The following APP variants were observed in gnomAD, a reference collection of about 807,000 sequenced individuals.
APP encodes amyloid beta precursor protein.
Under a neutral mutation model 101.4 loss-of-function variants are expected in APP, and 31 were observed. The observed-to-expected ratio is 0.31, with a 90% confidence interval of 0.23 to 0.41. The LOEUF is 0.41. Among genes scored for constraint, APP ranks in the 10% least tolerant of loss-of-function variants. The pLI, the probability that APP is intolerant of heterozygous loss-of-function variation, is 1.00. For missense variants in APP, 839 were observed against 1,003.7 expected (o/e 0.84, Z 2.22); for synonymous variants, 366 against 364.4 (o/e 1.00, Z -0.05).
chr21:26,060,877 G>C (rs1174356130), intron 3 of APP, among the ~76,000 whole-genome samples: 1 of 152,166 alleles, frequency 6.6e-6, no homozygotes, highest in Non-Finnish European at 1.5e-5. Flanking sequence ...AGAGATCAGT[G>C]GGCAAGCGAG....
chr21:26,093,870 C>A (rs371289473), intron 2 of APP, among the ~76,000 whole-genome samples: 1 of 152,108 alleles, frequency 6.6e-6, no homozygotes, highest in Non-Finnish European at 1.5e-5. Flanking sequence ...AATCCCAGCA[C>A]TTTGGGAGGC....
chr21:25,891,881 TTAAGAA>T lies in APP; in HGVS notation c.2065-19_2065-14del, dbSNP rs747973071. 3 of 1,611,512 alleles carry T rather than the reference TTAAGAA, an allele frequency of 1.9e-6. No homozygotes were observed. The highest frequency in any genetic ancestry group is 1.7e-5 in the Admixed American group (1 of 59,938). On this transcript the variant is annotated splice_polypyrimidine_tract_variant and intron_variant, in intron 16 of 17. Transcript: ENST00000346798. ...CTGCAAAGAACACCTTGAAAACAAA[TTAAGAA>T]AAAGAATTTTAATTTCTAAATGCAA...
intron 11 of APP, among the ~76,000 whole-genome samples, chr21:25,956,025 G>C (rs1351882819): frequency 6.6e-6 from 1 of 152,112 alleles, no homozygotes; most frequent in Admixed American, 6.5e-5. Context: ...TTTTTAAATA[G>C]GAGTACTCTG....
intron 13 of APP, among the ~76,000 whole-genome samples, chr21:25,943,356 T>A (rs1360036065): frequency 6.6e-6 from 1 of 151,980 alleles, no homozygotes; most frequent in Non-Finnish European, 1.5e-5. Flanking sequence ...GGTTTCTCCA[T>A]GTTGAGGCTG....
chr21:26,129,366 G>C (rs2062746776), intron 1 of APP, among the ~76,000 whole-genome samples: 1 of 152,074 alleles, frequency 6.6e-6, no homozygotes, highest in Middle Eastern at 3.4e-3. Context: ...AGCTACTCAG[G>C]AGGCTGAAGC....
chr21:26,041,827 C>G (rs1445308095), intron 5 of APP, among the ~76,000 whole-genome samples: 1 of 61,026 alleles, frequency 1.6e-5, no homozygotes, highest in East Asian at 5.0e-4. Context: ...TTATTCAATA[C>G]AGGAATCGAG....
At chr21:25,882,325 T>G (rs575828345) in intron 17 of APP, among the ~76,000 whole-genome samples, 30 of 150,300 alleles carry the variant, frequency 2.0e-4, no homozygotes, top group African/African-American at 7.1e-4. Context: ...GGTTTGAGAA[T>G]CAATTAAAAC....
chr21:26,029,083 T>G (rs1191113870), intron 5 of APP, among the ~76,000 whole-genome samples: 1 of 151,760 alleles, frequency 6.6e-6, no homozygotes, highest in African/African-American at 2.4e-5. Flanking sequence ...GATTAGCACG[T>G]TCAGCAAAAA....
intron 1 of APP, among the ~76,000 whole-genome samples, chr21:26,145,334 T>C (rs906575952): frequency 6.6e-6 from 1 of 152,128 alleles, no homozygotes; most frequent in South Asian, 2.1e-4. Context: ...TGGGATGGGA[T>C]GGTTTTGGGA....
At chr21:25,960,159 G>A (rs548701594) in intron 11 of APP, among the ~76,000 whole-genome samples, 1 of 151,334 alleles carries the variant, frequency 6.6e-6, no homozygotes, top group Non-Finnish European at 1.5e-5. Context: ...GTATGTCTAC[G>A]TGTAAGTGTG....
At chr21:26,038,538 C>T (rs1394658110) in intron 5 of APP, among the ~76,000 whole-genome samples, 1 of 152,170 alleles carries the variant, frequency 6.6e-6, no homozygotes, top group Non-Finnish European at 1.5e-5. Context: ...CCGAGGCAGG[C>T]GGATCACCTG....
At chr21:26,150,052 G>A (rs375830833) in intron 1 of APP, among the ~76,000 whole-genome samples, 176 of 152,218 alleles carry the variant, frequency 1.2e-3, no homozygotes, top group Middle Eastern at 0.01. Flanking sequence ...ATTCGCAGGG[G>A]AAAAAACACA....
intron 1 of APP, among the ~76,000 whole-genome samples, chr21:26,118,429 T>C (rs1474349921): frequency 1.3e-5 from 2 of 152,214 alleles, no homozygotes; most frequent in East Asian, 3.8e-4. Flanking sequence ...ACTTCATATA[T>C]ATACATACAC....
chr21:26,164,558 A>G (rs887195733), intron 1 of APP, among the ~76,000 whole-genome samples: 3 of 152,222 alleles, frequency 2.0e-5, no homozygotes, highest in Non-Finnish European at 2.9e-5. Context: ...CTTGCTCAAT[A>G]TTAGACATCT....
At chr21:25,896,565 C>T (rs1403567321) in intron 16 of APP, among the ~76,000 whole-genome samples, 12 of 152,158 alleles carry the variant, frequency 7.9e-5, no homozygotes. Context: ...TCTTACTGCA[C>T]CTACTGATAA....
intron 6 of APP, among the ~76,000 whole-genome samples, chr21:26,021,473 G>A (rs1263304590): frequency 1.3e-5 from 2 of 152,196 alleles, no homozygotes; most frequent in Non-Finnish European, 2.9e-5. Context: ...GGAGCTCATC[G>A]TCTAGGTGGT....
At chr21:25,893,909 G>C (rs1300693584) in intron 16 of APP, among the ~76,000 whole-genome samples, 1 of 152,206 alleles carries the variant, frequency 6.6e-6, no homozygotes, top group African/African-American at 2.4e-5. Context: ...GAGAAGTCCT[G>C]CCTTCAAAGC....
chr21:26,107,142 T>C (rs2146189454), intron 2 of APP, among the ~76,000 whole-genome samples: 1 of 152,296 alleles, frequency 6.6e-6, no homozygotes, highest in Middle Eastern at 3.4e-3. Flanking sequence ...TTAAAATTCT[T>C]ACACCCTTAT....
At chr21:26,048,011 G>T (rs1428400696) in intron 5 of APP, among the ~76,000 whole-genome samples, 2 of 152,062 alleles carry the variant, frequency 1.3e-5, no homozygotes, top group African/African-American at 4.8e-5. Context: ...TTTTTAAACT[G>T]TCTATTAGAA....
Sources: gnomAD v4.1 joint callset for allele counts (sites outside exome capture counted in the v4.1 genomes callset) on GRCh38, gnomAD v4.1.1 for gene constraint, MANE v1.5 for transcripts, NCBI Gene and HGNC (gene_info 2026-07-23, HGNC 2026-07-21) for gene names.